Variants in SORBS2 observed in about 807,000 individuals in gnomAD.
SORBS2 encodes sorbin and SH3 domain containing 2.
Under a neutral mutation model 97.7 loss-of-function variants are expected in SORBS2, and 46 were observed. The observed-to-expected ratio is 0.47, with a 90% CI of 0.37 to 0.60. SORBS2 has a LOEUF of 0.60. Among genes scored for constraint, SORBS2 ranks in the 20% least tolerant of loss-of-function variants. The pLI is 0.00. For synonymous variants in SORBS2, 476 were observed against 473.4 expected (o/e 1.01, Z -0.07); for missense variants, 1,316 against 1,282.3 (o/e 1.03, Z -0.40).
chr4:185,950,417 G>A (rs1335500148), intron 1 of SORBS2, among the ~76,000 whole-genome samples: 1 of 152,184 alleles, frequency 6.6e-6, no homozygotes, highest in Non-Finnish European at 1.5e-5. Flanking sequence ...TGTAGTCTAG[G>A]GAGAAGATCA....
intron 2 of SORBS2, among the ~76,000 whole-genome samples, chr4:185,651,170 A>G (rs529239992): frequency 2.0e-5 from 3 of 152,302 alleles, no homozygotes; most frequent in Admixed American, 6.5e-5. Flanking sequence ...GAAAGTGATG[A>G]AGGGAAAAAC....
intron 12 of SORBS2, among the ~76,000 whole-genome samples, chr4:185,596,329 T>TAAAA (rs1367161191): frequency 3.2e-4 from 49 of 152,276 alleles, no homozygotes; most frequent in African/African-American, 1.2e-3. Context: ...TTAAAGTCCG[T>TAAAA]ATATCCCTTT....
At chr4:185,736,008 C>T (rs993243308) in intron 2 of SORBS2, among the ~76,000 whole-genome samples, 50 of 152,178 alleles carry the variant, frequency 3.3e-4, no homozygotes, top group Admixed American at 3.3e-3. Context: ...GTGATATTTC[C>T]CATTTGTGGA....
chr4:185,915,202 G>A (rs973028706), intron 1 of SORBS2, among the ~76,000 whole-genome samples: 1 of 152,164 alleles, frequency 6.6e-6, no homozygotes, highest in Non-Finnish European at 1.5e-5. Flanking sequence ...AGAAGTGGAC[G>A]ATGACTTTAA....
chr4:185,823,700 C>T (rs762309497), intron 1 of SORBS2, among the ~76,000 whole-genome samples: 21 of 151,760 alleles, frequency 1.4e-4, no homozygotes, highest in Non-Finnish European at 2.4e-4. Flanking sequence ...TCAATTTCCA[C>T]GAGACAGGAA....
At chr4:185,678,228 C>A (rs2097823918) in intron 4 of SORBS2, among the ~76,000 whole-genome samples, 195 bp downstream of exon 7, 1 of 152,162 alleles carries the variant, frequency 6.6e-6, no homozygotes, top group Non-Finnish European at 1.5e-5. Context: ...AGAAACAAAA[C>A]CAAACCAAAC....
At chr4:185,855,147 T>C (rs1330108997) in intron 1 of SORBS2, among the ~76,000 whole-genome samples, 3 of 152,230 alleles carry the variant, frequency 2.0e-5, no homozygotes, top group Non-Finnish European at 4.4e-5. Flanking sequence ...TAGTTTTTCC[T>C]TGAAATACAG....
chr4:185,741,942 C>G (rs2098729945), intron 2 of SORBS2, among the ~76,000 whole-genome samples: 1 of 152,242 alleles, frequency 6.6e-6, no homozygotes, highest in East Asian at 1.9e-4. Context: ...TTTGTCTCAC[C>G]ACCTACATTT....
chr4:185,589,419 T>C (rs2095867965), intron 14 of SORBS2, among the ~76,000 whole-genome samples: 1 of 152,218 alleles, frequency 6.6e-6, no homozygotes, highest in Non-Finnish European at 1.5e-5. Context: ...TTTCCTGGTT[T>C]TTGCTATTTA....
chr4:185,678,599 C>T (rs1335361829), intron 3 of SORBS2, 52 bp from the exon 7 acceptor site: 1 of 1,460,902 alleles, frequency 6.8e-7, no homozygotes, highest in Non-Finnish European at 9.1e-7. Flanking sequence ...TTCACTTAAA[C>T]ATTTTTTATA....
chr4:185,668,786 T>C (rs1282294464), intron 4 of SORBS2, among the ~76,000 whole-genome samples: 2 of 152,200 alleles, frequency 1.3e-5, no homozygotes, highest in African/African-American at 4.8e-5. Flanking sequence ...TCCTAATTGT[T>C]TTAGGTCTCC....
At chr4:185,802,174 A>G (rs762572510) in intron 1 of SORBS2, among the ~76,000 whole-genome samples, 1 of 152,228 alleles carries the variant, frequency 6.6e-6, no homozygotes, top group South Asian at 2.1e-4. Context: ...TTATTGTATA[A>G]GTTACTTCTG....
At chr4:185,945,065 A>G (rs949854623) in intron 1 of SORBS2, among the ~76,000 whole-genome samples, 1 of 152,232 alleles carries the variant, frequency 6.6e-6, no homozygotes, top group Non-Finnish European at 1.5e-5. Context: ...ACGTGCTCAT[A>G]TATGCCAATG....
At chr4:185,633,032 T>G (rs1423571974) in intron 4 of SORBS2, among the ~76,000 whole-genome samples, 1 of 152,232 alleles carries the variant, frequency 6.6e-6, no homozygotes, top group Non-Finnish European at 1.5e-5. Flanking sequence ...TATGATCTAC[T>G]ATTTACATAT....
exon 3 of SORBS2, chr4:185,678,821 C>A (rs1290995605): frequency 1.4e-6 from 2 of 1,450,956 alleles, no homozygotes; most frequent in South Asian, 3.0e-5. Context: ...GAGAATCACG[C>A]CCTGAAAGAA....
intron 1 of SORBS2, among the ~76,000 whole-genome samples, chr4:185,953,194 A>T (rs568836376): frequency 6.6e-6 from 1 of 152,356 alleles, no homozygotes; most frequent in African/African-American, 2.4e-5. Context: ...GCACGCCTGA[A>T]TCCCAGCTAC....
chr4:185,757,578 A>G (rs6834923), intron 2 of SORBS2, among the ~76,000 whole-genome samples: 48,382 of 152,156 alleles, frequency 0.32, 8,086 homozygotes, highest in African/African-American at 0.4. Flanking sequence ...CACTTGCTTT[A>G]TACCAACATC....
intron 4 of SORBS2, among the ~76,000 whole-genome samples, chr4:185,674,835 T>C (rs1255444993): frequency 1.3e-5 from 2 of 152,340 alleles, no homozygotes; most frequent in Non-Finnish European, 2.9e-5. Flanking sequence ...GTGAGGTCTA[T>C]TGATATTGAG....
intron 1 of SORBS2, among the ~76,000 whole-genome samples, chr4:185,946,166 C>A (rs1439105197): frequency 2.9e-5 from 4 of 140,100 alleles, no homozygotes; most frequent in African/African-American, 1.1e-4. Context: ...GTTACCACAT[C>A]CGTACAGCAC....
Sources: gnomAD v4.1 joint callset for allele counts (sites outside exome capture counted in the v4.1 genomes callset) on GRCh38, gnomAD v4.1.1 for gene constraint, MANE v1.5 for transcripts, NCBI Gene and HGNC (gene_info 2026-07-23, HGNC 2026-07-21) for gene names.